MACROD2: variants seen among roughly 807,000 people sequenced by gnomAD.
MACROD2 encodes ADP-ribose glycohydrolase MACROD2.
Under a neutral mutation model 70.4 loss-of-function variants are expected in MACROD2, and 36 were observed. The ratio of observed to expected loss-of-function variants is 0.51; its 90% CI spans 0.39 to 0.68. MACROD2 has a LOEUF of 0.68. Ranked by LOEUF, MACROD2 falls within the 30% of genes least tolerant of loss-of-function variation. MACROD2 has a pLI of 0.00. For missense variants in MACROD2, 496 were observed against 538.4 expected (o/e 0.92, Z 0.78); for synonymous variants, 172 against 178.8 (o/e 0.96, Z 0.30).
intron 5 of MACROD2, among the ~76,000 whole-genome samples, chr20:15,014,919 T>G (rs1296029345): frequency 6.6e-6 from 1 of 152,056 alleles, no homozygotes; most frequent in Non-Finnish European, 1.5e-5. Context: ...ACAAACCCAG[T>G]TTTTATTGTA....
intron 5 of MACROD2, among the ~76,000 whole-genome samples, chr20:14,721,892 C>T (rs1185109894): frequency 6.6e-6 from 1 of 152,166 alleles, no homozygotes; most frequent in Non-Finnish European, 1.5e-5. Flanking sequence ...TCTAATCCTC[C>T]CCTTCTCTTA....
intron 5 of MACROD2, among the ~76,000 whole-genome samples, chr20:14,803,042 G>C (rs1190112056): frequency 6.6e-6 from 1 of 151,880 alleles, no homozygotes; most frequent in Non-Finnish European, 1.5e-5. Flanking sequence ...ATGGTTTGGG[G>C]CCCACCAGTT....
At chr20:15,197,552 C>G (rs1265175287) in intron 5 of MACROD2, among the ~76,000 whole-genome samples, 1 of 152,172 alleles carries the variant, frequency 6.6e-6, no homozygotes, top group African/African-American at 2.4e-5. Flanking sequence ...AATCTCTGGC[C>G]TACAGCCAAA....
intron 5 of MACROD2, among the ~76,000 whole-genome samples, chr20:15,130,080 T>C (rs753164219): frequency 2.0e-5 from 3 of 152,146 alleles, no homozygotes; most frequent in Non-Finnish European, 2.9e-5. Flanking sequence ...GCAGGACCCA[T>C]ATTGTGTTTT....
intron 3 of MACROD2, among the ~76,000 whole-genome samples, chr20:14,412,611 A>G (rs1017191989): frequency 4.6e-5 from 7 of 152,200 alleles, no homozygotes; most frequent in African/African-American, 1.2e-4. Context: ...AAATATAGTT[A>G]CCATCCCTGT....
chr20:14,071,252 G>GTTT (rs59052053), intron 2 of MACROD2, among the ~76,000 whole-genome samples: 4,369 of 63,786 alleles, frequency 0.068, 1,376 homozygotes, highest in East Asian at 0.17. Flanking sequence ...TTCATCTTGT[G>GTTT]TTTTTTTTTT....
At chr20:14,583,463 AT>A (rs1192345773) in intron 4 of MACROD2, among the ~76,000 whole-genome samples, 6 of 152,102 alleles carry the variant, frequency 3.9e-5, no homozygotes, top group African/African-American at 1.2e-4. Context: ...TCAGTAATAG[AT>A]CTGTATATTG....
chr20:14,730,875 G>A (rs1229257498), intron 5 of MACROD2, among the ~76,000 whole-genome samples: 1 of 151,804 alleles, frequency 6.6e-6, no homozygotes, highest in African/African-American at 2.4e-5. Context: ...TATTCCAGAG[G>A]TGAATTCAGA....
chr20:15,697,625 A>C (rs1212274557), intron 8 of MACROD2, among the ~76,000 whole-genome samples: 1 of 152,122 alleles, frequency 6.6e-6, no homozygotes, highest in Non-Finnish European at 1.5e-5. Flanking sequence ...TTCTGTCTTG[A>C]TGATCTGTCT....
At chr20:15,163,362 TATG>T (rs2076361432) in intron 5 of MACROD2, among the ~76,000 whole-genome samples, 1 of 150,498 alleles carries the variant, frequency 6.6e-6, no homozygotes, top group African/African-American at 2.4e-5. Flanking sequence ...TTTAAAAAGA[TATG>T]ATGTTATTAG....
chr20:15,006,139 A>ATGTGTGTGTGTG (rs1254410663), intron 5 of MACROD2, among the ~76,000 whole-genome samples: 2 of 95,018 alleles, frequency 2.1e-5, no homozygotes, highest in African/African-American at 8.0e-5. Context: ...TTATATATAT[A>ATGTGTGTGTGTG]TATGTGTGTG....
At chr20:15,981,149 G>T (rs2066392277) in intron 13 of MACROD2, among the ~76,000 whole-genome samples, 2 of 152,146 alleles carry the variant, frequency 1.3e-5, no homozygotes, top group African/African-American at 4.8e-5. Context: ...CCTGTCCACT[G>T]GTCAGGCAGC....
intron 8 of MACROD2, among the ~76,000 whole-genome samples, chr20:15,839,436 CTAAG>C (rs1380570969): frequency 2.6e-5 from 4 of 152,164 alleles, no homozygotes; most frequent in African/African-American, 9.7e-5. Context: ...GGAAGTGAGG[CTAAG>C]TTAGTTCCAA....
chr20:15,114,411 A>G (rs917734802), intron 5 of MACROD2, among the ~76,000 whole-genome samples: 1 of 152,158 alleles, frequency 6.6e-6, no homozygotes. Flanking sequence ...TGAAGCTGCC[A>G]TATTATGAGA....
chr20:15,473,527 C>G (rs1211424481), intron 7 of MACROD2, among the ~76,000 whole-genome samples: 3 of 152,150 alleles, frequency 2.0e-5, no homozygotes, highest in Admixed American at 2.0e-4. Context: ...CCCCCCAGGA[C>G]AATAGAAACC....
At chr20:15,328,936 A>G (rs2077962187) in intron 6 of MACROD2, among the ~76,000 whole-genome samples, 2 of 152,130 alleles carry the variant, frequency 1.3e-5, no homozygotes, top group Non-Finnish European at 1.5e-5. Flanking sequence ...TAAATTAGAA[A>G]TGATCTAAAT....
At chr20:15,189,899 A>G (rs2076559247) in intron 5 of MACROD2, among the ~76,000 whole-genome samples, 4 of 152,062 alleles carry the variant, frequency 2.6e-5, no homozygotes, top group Admixed American at 2.6e-4. Context: ...AAGAGGAGAT[A>G]AATTGCTCTC....
chr20:15,741,861 A>T (rs1382172944), intron 8 of MACROD2, among the ~76,000 whole-genome samples: 1 of 152,216 alleles, frequency 6.6e-6, no homozygotes, highest in African/African-American at 2.4e-5. Context: ...CTTTGAACAT[A>T]GTAGAGGTTC....
intron 5 of MACROD2, among the ~76,000 whole-genome samples, chr20:14,953,557 G>T (rs1963725): frequency 3.3e-5 from 5 of 152,044 alleles, no homozygotes; most frequent in Non-Finnish European, 7.4e-5. Context: ...CGCCCACCTC[G>T]GCCTCCCAAA....
Sources: gnomAD v4.1 joint callset for allele counts (sites outside exome capture counted in the v4.1 genomes callset) on GRCh38, gnomAD v4.1.1 for gene constraint, MANE v1.5 for transcripts, NCBI Gene and HGNC (gene_info 2026-07-23, HGNC 2026-07-21) for gene names.